Variants in SHANK2 observed in about 807,000 individuals in gnomAD.
SHANK2 encodes SH3 and multiple ankyrin repeat domains 2.
A neutral mutation model predicts 133.7 loss-of-function variants in SHANK2; 43 were observed. The ratio of observed to expected loss-of-function variants is 0.32; its 90% CI spans 0.25 to 0.41. SHANK2 has a LOEUF of 0.41. Among genes scored for constraint, SHANK2 ranks in the 10% least tolerant of loss-of-function variants. SHANK2 has a pLI of 1.00. For synonymous variants in SHANK2, 1,017 were observed against 952.8 expected (o/e 1.07, Z -1.24); for missense variants, 1,994 against 2,235.8 (o/e 0.89, Z 2.18).
At chr11:70,512,130 T>A (rs192599894) in intron 17 of SHANK2, among the ~76,000 whole-genome samples, 1 of 152,240 alleles carries the variant, frequency 6.6e-6, no homozygotes, top group African/African-American at 2.4e-5. Flanking sequence ...TGTGGCACTA[T>A]GGTGATTTTG....
intron 8 of SHANK2, among the ~76,000 whole-genome samples, chr11:71,079,825 G>A (rs1951269770): frequency 7.9e-6 from 1 of 126,366 alleles, no homozygotes; most frequent in Non-Finnish European, 1.7e-5. Flanking sequence ...AAGAGAAAGG[G>A]AAAGGGAAAG....
chr11:70,551,380 G>A (rs956041737), intron 17 of SHANK2, among the ~76,000 whole-genome samples: 2 of 147,088 alleles, frequency 1.4e-5, no homozygotes, highest in Non-Finnish European at 3.0e-5. Context: ...CTGCGTGGAC[G>A]GGGAGTGGAG....
At chr11:70,854,401 T>C (rs1383000864) in intron 11 of SHANK2, among the ~76,000 whole-genome samples, 1 of 152,138 alleles carries the variant, frequency 6.6e-6, no homozygotes, top group Non-Finnish European at 1.5e-5. Context: ...GTGCTGTTAC[T>C]AGCACTCAGC....
In SHANK2 at chr11:70,623,715, G is replaced by C. The variant is rs782796104; in HGVS notation, c.2061+36113C>G. The stretch of plus-strand genomic sequence containing the variant: ...ATTAAATACGTAAAACTAAGAATTA[G>C]CTCCTCAGCCACACTGGCTGCATTT... On this transcript the variant is annotated intron_variant, in intron 17 of 25. Coordinates refer to ENST00000601538, the MANE Select transcript of SHANK2 (RefSeq NM_012309.5). 2.0e-5 allele frequency among the ~76,000 whole-genome samples: 3 copies of C among 152,334 alleles called. No individual in the cohort carries two copies. In the East Asian group the frequency reaches 5.8e-4, roughly 29 times the overall value.
At chr11:70,828,871 T>TGTC in intron 11 of SHANK2, among the ~76,000 whole-genome samples, 1 of 152,348 alleles carries the variant, frequency 6.6e-6, no homozygotes, top group East Asian at 1.9e-4. Context: ...CCCCTCCATC[T>TGTC]GTCACTGATC....
rs1278809433 is a variant in SHANK2 at position 71,175,469 on chromosome 11, C to T, written c.-12-28131G>A. Among the ~76,000 whole-genome samples the T allele has an allele frequency of 1.4e-5, 2 of 147,666 alleles. No homozygotes were observed. The highest frequency in any genetic ancestry group is 4.1e-4 in the East Asian group (2 of 4,894). On this transcript the variant is annotated intron_variant, in intron 2 of 25. Coordinates refer to ENST00000601538, the MANE Select transcript of SHANK2 (RefSeq NM_012309.5). The surrounding 1 kb of genome is among the most constrained non-coding windows in gnomAD (Gnocchi z 4.2). ...AGGGAGAGGAGGGGGAGAAATAGACCAAGGCTGGTGAAAGAGAAGTGGGGA... is the reference window on the plus strand; with the variant it reads ...AGGGAGAGGAGGGGGAGAAATAGACTAAGGCTGGTGAAAGAGAAGTGGGGA...
intron 10 of SHANK2, among the ~76,000 whole-genome samples, chr11:70,898,311 C>CA (rs1489858585): frequency 4.1e-5 from 6 of 145,188 alleles, no homozygotes; most frequent in African/African-American, 1.6e-4. Context: ...CACACACACA[C>CA]ATATATATAT....
rs552272990 is a variant in SHANK2, at chr11:70,756,132, G to T, written c.1777+42311C>A. 5.3e-5 allele frequency among the ~76,000 whole-genome samples: 8 copies of T among 152,276 alleles called. No individual in the cohort carries two copies. The East Asian group carries it at 1.5e-3, about 29-fold the overall frequency. On this transcript the variant is annotated intron_variant, in intron 14 of 25. Transcript: ENST00000601538. ...GCAGCCCCCGTGCGAGCAGGTGCAG[G>T]AGACATCCCCAGCTCCCCCAGAGGC...
chr11:70,729,876 AATG>A (rs1298774944), intron 14 of SHANK2, among the ~76,000 whole-genome samples: 26 of 149,190 alleles, frequency 1.7e-4, no homozygotes, highest in Non-Finnish European at 8.9e-5. Context: ...GGCGTTTGAG[AATG>A]ATATCTCAAC....
chr11:71,242,715 C>A (rs1416637296), intron 1 of SHANK2, among the ~76,000 whole-genome samples: 1 of 152,238 alleles, frequency 6.6e-6, no homozygotes. Context: ...ACTGTTGTAT[C>A]CCAGAGTCTA....
intron 17 of SHANK2, among the ~76,000 whole-genome samples, chr11:70,609,036 G>T (rs782630217): frequency 1.3e-5 from 2 of 152,236 alleles, no homozygotes; most frequent in Admixed American, 6.5e-5. Flanking sequence ...AACGGGAGAC[G>T]TCTCAAGGGA....
chr11:70,655,974 C>G (rs1555011515), intron 17 of SHANK2, among the ~76,000 whole-genome samples: 1 of 152,166 alleles, frequency 6.6e-6, no homozygotes, highest in Non-Finnish European at 1.5e-5. Context: ...TGACGCCCAG[C>G]CAGGTTTCAC....
intron 14 of SHANK2, among the ~76,000 whole-genome samples, chr11:70,734,244 G>A (rs1351687146): frequency 1.3e-5 from 2 of 152,224 alleles, no homozygotes; most frequent in South Asian, 2.1e-4. Context: ...CTGGCTATGC[G>A]AGGAGATGTT....
intron 17 of SHANK2, among the ~76,000 whole-genome samples, chr11:70,626,119 G>A (rs148251667): frequency 2.7e-4 from 41 of 152,258 alleles, no homozygotes; most frequent in African/African-American, 8.9e-4. Flanking sequence ...CTAAGAAACC[G>A]TTGCCAAGAG....
intron 11 of SHANK2, among the ~76,000 whole-genome samples, chr11:70,828,058 T>C (rs1220260803): frequency 6.6e-6 from 1 of 152,126 alleles, no homozygotes; most frequent in East Asian, 1.9e-4. Context: ...GCGGTTGAAT[T>C]GCTTGAGCCC....
chr11:71,110,093 G>T, intron 5 of SHANK2, 44 bp from the exon 6 acceptor site: 1 of 1,391,298 alleles, frequency 7.2e-7, no homozygotes, highest in Non-Finnish European at 1.0e-6. Context: ...TATAAGAAAT[G>T]TCCCAACCTG....
intron 11 of SHANK2, among the ~76,000 whole-genome samples, chr11:70,847,502 C>G (rs1239592412): frequency 3.3e-5 from 5 of 152,186 alleles, no homozygotes; most frequent in Non-Finnish European, 5.9e-5. Context: ...GCCAGATCCC[C>G]TGCCAGGGAG....
At chr11:70,851,263 A>C (rs1334006174) in intron 11 of SHANK2, among the ~76,000 whole-genome samples, 3 of 152,168 alleles carry the variant, frequency 2.0e-5, no homozygotes, top group African/African-American at 7.2e-5. Context: ...TGGGGCTCCT[A>C]ATTGTCCCCC....
intron 17 of SHANK2, among the ~76,000 whole-genome samples, chr11:70,564,558 C>T (rs1023153188): frequency 2.6e-5 from 4 of 152,214 alleles, no homozygotes; most frequent in Admixed American, 1.3e-4. Flanking sequence ...CCGCACCCAG[C>T]CTTCAAGTAT....
Sources: allele counts gnomAD v4.1 joint callset (sites outside exome capture counted in the v4.1 genomes callset), GRCh38; gene constraint gnomAD v4.1.1; non-coding constraint Gnocchi (gnomAD v3.1); transcripts MANE v1.5; gene names NCBI Gene and HGNC (gene_info 2026-07-23, HGNC 2026-07-21).